DNAH5: variants seen among roughly 807,000 people sequenced by gnomAD.
DNAH5 encodes the protein dynein axonemal heavy chain 5.
In DNAH5, 372 loss-of-function variants were observed where a neutral mutation model predicts 518.2. The observed-to-expected ratio is 0.72, with a 90% CI of 0.66 to 0.78. DNAH5 has a LOEUF of 0.78. Ranked by LOEUF, DNAH5 falls within the 30% of genes least tolerant of loss-of-function variation. DNAH5 has a pLI of 0.00. For missense variants in DNAH5, 5,523 were observed against 5,687.0 expected (o/e 0.97, Z 0.93); for synonymous variants, 2,039 against 2,025.9 (o/e 1.01, Z -0.17).
chr5:13,700,526 T>C (rs1226052068), intron 78 of DNAH5, 114 bp downstream of exon 78: 8 of 1,032,170 alleles, frequency 7.8e-6, no homozygotes, highest in South Asian at 2.6e-5. Context: ...GTAAAGCTAA[T>C]AGATAAGAGA....
intron 76 of DNAH5, among the ~76,000 whole-genome samples, chr5:13,701,896 C>T (rs1742171579): frequency 6.6e-6 from 1 of 152,180 alleles, no homozygotes; most frequent in Admixed American, 6.5e-5. Flanking sequence ...CAAGATAAAT[C>T]AACACTTTAA....
rs1188280408 is a variant in DNAH5 at position 13,990,445 on chromosome 5, C to T, written c.12+21203G>A. On this transcript the variant is annotated intron_variant, in intron 1 of 78. Coordinates refer to the DNAH5 transcript ENST00000681290. ...GCGGGCGCCTATAGTCCCAGCTACT[C>T]GGGAGGCTGAGGCGGAAGAATGGCG... is the stretch of plus-strand genomic sequence containing the variant. Among the ~76,000 whole-genome samples, 8 of 152,040 alleles carry T rather than the reference C, an allele frequency of 5.3e-5. No homozygotes were observed. The East Asian group carries it at 5.8e-4, about 11-fold the overall frequency.
At chr5:13,820,324 A>G (rs759813511) in intron 41 of DNAH5, 22 bp downstream of exon 41, 1 of 1,605,342 alleles carries the variant, frequency 6.2e-7, no homozygotes, top group South Asian at 1.1e-5. Context: ...CACCCCAGGC[A>G]TTGACCTTGG....
chr5:13,883,342 C>A (rs977677177), intron 19 of DNAH5, among the ~76,000 whole-genome samples: 1 of 152,058 alleles, frequency 6.6e-6, no homozygotes, highest in Admixed American at 6.6e-5. Context: ...ATGAAACCCA[C>A]TGTGTGGGAT....
chr5:13,740,447 C>T (rs951384199), intron 65 of DNAH5, among the ~76,000 whole-genome samples: 8 of 152,164 alleles, frequency 5.3e-5, no homozygotes, highest in Non-Finnish European at 7.3e-5. Flanking sequence ...TCCTTCATTA[C>T]TGCTGGGACT....
intron 47 of DNAH5, among the ~76,000 whole-genome samples, chr5:13,794,665 T>C (rs1757545339): frequency 6.6e-6 from 1 of 152,210 alleles, no homozygotes; most frequent in African/African-American, 2.4e-5. Context: ...CGCTGCACTC[T>C]GTAAAAAACC....
intron 17 of DNAH5, among the ~76,000 whole-genome samples, chr5:13,887,225 T>C (rs555442842): frequency 5.9e-5 from 9 of 152,344 alleles, no homozygotes; most frequent in Admixed American, 2.6e-4. Flanking sequence ...ATGTTTGAGA[T>C]CATAAAATTC....
chr5:13,823,385 T>C lies in DNAH5; in HGVS notation c.6580-15A>G, dbSNP rs1267730036. 1 of 1,554,018 alleles carries C rather than the reference T, an allele frequency of 6.4e-7. No homozygotes were observed. Among genetic ancestry groups the C allele is most frequent in the Non-Finnish European group, 8.9e-7 (1 of 1,125,928 alleles). The stretch of plus-strand genomic sequence containing the variant: ...TCCTCATCAATCTAAAAAAAGAAAA[T>C]GGGAAATCAGACCAATTATTCTGGT... On this transcript the variant is annotated splice_polypyrimidine_tract_variant and intron_variant, in intron 39 of 78. Transcript: ENST00000265104.
intron 59 of DNAH5, among the ~76,000 whole-genome samples, chr5:13,765,605 T>G (rs925341386): frequency 7.2e-5 from 11 of 152,210 alleles, no homozygotes; most frequent in African/African-American, 2.7e-4. Context: ...ATTTGTGCAT[T>G]TATTCATGTT....
At chr5:13,868,374 T>C (rs1417421385) in intron 24 of DNAH5, among the ~76,000 whole-genome samples, 2 of 152,222 alleles carry the variant, frequency 1.3e-5, no homozygotes, top group African/African-American at 2.4e-5. Context: ...TAACTTCTAA[T>C]ATTAGAATAA....
At position 13,788,850 on chromosome 5, in the gene DNAH5, C is replaced by A. The variant is rs1343625970; in HGVS notation, c.8513G>T (p.Ser2838Ile). 1 of 1,614,106 alleles carries A rather than the reference C, an allele frequency of 6.2e-7. No homozygotes were observed. The highest frequency in any genetic ancestry group is 2.2e-5 in the East Asian group (1 of 44,874). ...AGCCTTATCAAACCAGGTCACATCA[C>A]TGGACACTGTGAAACGGTCAGCTAT... ...RVIADRFTVSSDVTWFDKALV... is the reference protein window; with the variant it reads ...RVIADRFTVSIDVTWFDKALV... The change falls in exon 51 of 79, where the codon AGT (serine) becomes ATT (isoleucine). Residue 2838 changes from serine (S) to isoleucine (I), a missense_variant. Around this residue, in one of 3 missense-constraint regions of DNAH5, gnomAD observed 5,121 missense variants for 5,223.3 expected, o/e 0.98. Transcript: ENST00000265104.
chr5:13,744,936 T>C (rs1428380126), intron 65 of DNAH5, among the ~76,000 whole-genome samples: 1 of 152,082 alleles, frequency 6.6e-6, no homozygotes, highest in East Asian at 1.9e-4. Flanking sequence ...AGATTTCTTT[T>C]TCCCCCACCA....
chr5:13,968,799 G>A (rs1269374247), intron 1 of DNAH5, among the ~76,000 whole-genome samples: 5 of 152,112 alleles, frequency 3.3e-5, no homozygotes, highest in Non-Finnish European at 7.4e-5. Context: ...TCGTGTCCTG[G>A]TTTTGGTATT....
chr5:13,716,729 C>G, intron 73 of DNAH5, 39 bp from the exon 74 acceptor site: 1 of 1,396,224 alleles, frequency 7.2e-7, no homozygotes, highest in Non-Finnish European at 1.0e-6. Context: ...GAACTGACTA[C>G]CGTTGCATTA....
Position 13,824,195 on chromosome 5 carries a change from T to C in DNAH5, c.6579+4A>G. ...GGTGGAACACTTCCATCTGTGAGTC[T>C]TACCAGTTTAGAAAGATTCATGTCC... On this transcript the variant is annotated splice_donor_region_variant and intron_variant, in intron 39 of 78. Coordinates refer to ENST00000265104, the MANE Select transcript of DNAH5 (RefSeq NM_001369.3). The C allele has an allele frequency of 6.2e-7, 1 of 1,614,006 alleles. No homozygotes were observed. Among genetic ancestry groups the C allele is most frequent in the Non-Finnish European group, 8.5e-7 (1 of 1,179,944 alleles).
Position 13,824,197 on chromosome 5 carries a change from A to G in DNAH5, c.6579+2T>C, listed in dbSNP as rs2151823499. The G allele has an allele frequency of 1.2e-6, 2 of 1,613,896 alleles. No homozygotes were observed. Among genetic ancestry groups the G allele is most frequent in the Non-Finnish European group, 8.5e-7 (1 of 1,179,872 alleles). ...TGGAACACTTCCATCTGTGAGTCTT[A>G]CCAGTTTAGAAAGATTCATGTCCCG... On this transcript the variant is annotated splice_donor_variant, in intron 39 of 78. Transcript: ENST00000265104. LOFTEE classifies it high-confidence loss of function.
intron 1 of DNAH5, among the ~76,000 whole-genome samples, chr5:13,989,640 C>G (rs1289644239): frequency 1.3e-5 from 2 of 152,002 alleles, no homozygotes; most frequent in East Asian, 3.9e-4. Flanking sequence ...CCCGCCATCA[C>G]ACCCGGCTAA....
Position 13,894,658 on chromosome 5 carries a change from G to C in DNAH5, c.2423C>G (p.Ala808Gly). 6.2e-7 allele frequency: 1 copy of C among 1,613,898 alleles called. No individual in the cohort carries two copies. The highest frequency in any genetic ancestry group is 2.2e-5 in the East Asian group (1 of 44,868). The change falls in exon 16 of 79, where the codon GCA (alanine) becomes GGA (glycine). Residue 808 changes from alanine to glycine, a missense_variant. Ala to Gly is a moderately conservative substitution (Grantham distance 60). Coordinates refer to ENST00000265104, the MANE Select transcript of DNAH5 (RefSeq NM_001369.3). ...NIEAYLENTF[A>G]KIKDLELLLD... ...TATTCAGGCAGACTTACTGATCTTT[G>C]CAAAAGTGTTTTCTAAATAAGCCTC... is the stretch of plus-strand genomic sequence containing the variant.
At chr5:13,819,088 C>T (rs1280918371) in intron 41 of DNAH5, among the ~76,000 whole-genome samples, 1 of 152,118 alleles carries the variant, frequency 6.6e-6, no homozygotes, top group Non-Finnish European at 1.5e-5. Flanking sequence ...ATATTTAGTA[C>T]TCATTTTGTT....
Sources: gnomAD v4.1 joint callset for allele counts (sites outside exome capture counted in the v4.1 genomes callset) on GRCh38, gnomAD v4.1.1 for gene constraint, gnomAD v4.1.1 regional missense constraint, MANE v1.5 for transcripts, NCBI Gene and HGNC (gene_info 2026-07-23, HGNC 2026-07-21) for gene names.